The following RANBP17 variants were observed in gnomAD, a reference collection of about 807,000 sequenced individuals.
The protein encoded by RANBP17 is ran-binding protein 17.
RANBP17 carries 158 observed loss-of-function variants against 141.2 expected under a neutral mutation model. The observed-to-expected ratio is 1.12, with a 90% CI of 0.98 to 1.28. The LOEUF is 1.28. RANBP17 is among the 50% of genes most tolerant of loss of function. The probability of loss-of-function intolerance (pLI) is 0.00; values close to 1 mark genes in which losing one functional copy is unlikely to be tolerated. For missense variants in RANBP17, 1,438 were observed against 1,290.7 expected, an observed-to-expected ratio of 1.11 and a Z score of -1.75; for synonymous variants, 430 against 450.0, an observed-to-expected ratio of 0.96 and a Z score of 0.56.
chr5:170,956,906 C>G (rs556704496), intron 13 of RANBP17, among the ~76,000 whole-genome samples: 13 of 151,708 alleles, frequency 8.6e-5, no homozygotes, highest in Non-Finnish European at 1.3e-4. Context: ...CCCGTCTCTA[C>G]TAAAAATACA....
At chr5:171,082,393 T>A (rs1441222801) in intron 14 of RANBP17, among the ~76,000 whole-genome samples, 3 of 152,178 alleles carry the variant, frequency 2.0e-5, no homozygotes, top group African/African-American at 4.8e-5. Flanking sequence ...TTCGAATAGG[T>A]AATTAACTGC....
At chr5:171,125,314 AAG>A (rs397839233) in intron 14 of RANBP17, among the ~76,000 whole-genome samples, 1 of 150,468 alleles carries the variant, frequency 6.6e-6, no homozygotes, top group Non-Finnish European at 1.5e-5. Flanking sequence ...AAAAAAAAAA[AAG>A]AAAGTGAAGG....
At chr5:171,000,584 C>T (rs1341261543) in intron 14 of RANBP17, among the ~76,000 whole-genome samples, 4 of 152,118 alleles carry the variant, frequency 2.6e-5, no homozygotes, top group Admixed American at 6.5e-5. Context: ...CCGTGTCATG[C>T]GCGTCCGTGT....
chr5:171,083,133 T>A (rs1336122095), intron 14 of RANBP17, among the ~76,000 whole-genome samples: 1 of 152,230 alleles, frequency 6.6e-6, no homozygotes, highest in African/African-American at 2.4e-5. Context: ...CCCTAGTTAC[T>A]TTGCATTTAC....
intron 25 of RANBP17, among the ~76,000 whole-genome samples, chr5:171,290,271 A>G (rs533183158): frequency 6.6e-6 from 1 of 151,920 alleles, no homozygotes; most frequent in South Asian, 2.1e-4. Context: ...CAGGAGGCTG[A>G]TGCAGGAGAC....
At chr5:171,154,952 C>T (rs185898460) in intron 14 of RANBP17, among the ~76,000 whole-genome samples, 1 of 151,404 alleles carries the variant, frequency 6.6e-6, no homozygotes, top group African/African-American at 2.4e-5. Context: ...TGGCGGGGCA[C>T]CTGTAATCCC....
intron 27 of RANBP17, among the ~76,000 whole-genome samples, chr5:171,297,846 CTTTTTTTTTT>C (rs71310040): frequency 1.5e-5 from 1 of 67,508 alleles, no homozygotes; most frequent in African/African-American, 5.7e-5. Flanking sequence ...CCAATAAATT[CTTTTTTTTTT>C]TTTTTTTTTT....
intron 24 of RANBP17, among the ~76,000 whole-genome samples, chr5:171,253,443 C>A (rs1244812701): frequency 6.6e-6 from 1 of 152,096 alleles, no homozygotes; most frequent in Non-Finnish European, 1.5e-5. Flanking sequence ...AAGAGTAAAC[C>A]AGAAACACTT....
At chr5:170,916,868 C>T (rs1772021475) in intron 9 of RANBP17, among the ~76,000 whole-genome samples, 2 of 151,794 alleles carry the variant, frequency 1.3e-5, no homozygotes, top group South Asian at 4.2e-4. Flanking sequence ...GGCTTGCACC[C>T]ACCACCTCTG....
chr5:170,946,579 T>C (rs1409047195), intron 12 of RANBP17, among the ~76,000 whole-genome samples: 2 of 152,190 alleles, frequency 1.3e-5, no homozygotes, highest in Non-Finnish European at 2.9e-5. Flanking sequence ...GAACCATTGC[T>C]CCTGTGGGCC....
intron 14 of RANBP17, among the ~76,000 whole-genome samples, chr5:171,098,042 G>A (rs994749428): frequency 7.2e-5 from 11 of 152,036 alleles, no homozygotes; most frequent in Non-Finnish European, 1.3e-4. Context: ...ATCATTGATG[G>A]GCATTTGGGT....
Position 171,295,974 on chromosome 5 carries a change from G to A in RANBP17, c.3130G>A (p.Glu1044Lys). ...TGCCCAGTGCTTCAGAAACCTAATG[G>A]AAGGAGTGGAGCAGAACCTGTCCGT... ...VLAQCFRNLMEGVEQNLSVKN... is the reference protein window; with the variant it reads ...VLAQCFRNLMKGVEQNLSVKN... Residue 1044 changes from glutamate (E) to lysine (K), a missense_variant, in exon 27 of 28, where the codon GAA becomes AAA. Glu to Lys is a moderately conservative substitution (Grantham distance 56). Transcript: ENST00000523189. 1.9e-6 allele frequency: 3 copies of A among 1,613,912 alleles called. No individual in the cohort carries two copies. Among genetic ancestry groups the A allele is most frequent in the Non-Finnish European group, 2.5e-6 (3 of 1,179,844 alleles).
chr5:171,288,322 A>G (rs963527814), intron 25 of RANBP17, among the ~76,000 whole-genome samples: 5 of 152,218 alleles, frequency 3.3e-5, no homozygotes, highest in African/African-American at 1.2e-4. Flanking sequence ...GTCTGAATGG[A>G]GGAGGTACAC....
chr5:171,087,281 G>A (rs1240342248), intron 14 of RANBP17, among the ~76,000 whole-genome samples: 9 of 152,006 alleles, frequency 5.9e-5, no homozygotes, highest in East Asian at 1.9e-4. Flanking sequence ...GCTTTGAGTG[G>A]GATTCTTAAT....
At chr5:171,038,272 T>G (rs1456543440) in intron 14 of RANBP17, among the ~76,000 whole-genome samples, 1 of 151,890 alleles carries the variant, frequency 6.6e-6, no homozygotes, top group Non-Finnish European at 1.5e-5. Flanking sequence ...TATATAGAAA[T>G]GCTAGTAACT....
At chr5:171,260,258 G>A (rs1156348775) in intron 24 of RANBP17, among the ~76,000 whole-genome samples, 22 of 141,970 alleles carry the variant, frequency 1.5e-4, no homozygotes, top group African/African-American at 5.5e-4. Context: ...CCGAGATCAC[G>A]CCACTGCGCT....
chr5:170,875,815 GA>G (rs968835231), intron 1 of RANBP17, among the ~76,000 whole-genome samples: 1 of 152,174 alleles, frequency 6.6e-6, no homozygotes, highest in African/African-American at 2.4e-5. Flanking sequence ...ATCATTTGGA[GA>G]AGAAGCACTC....
intron 14 of RANBP17, among the ~76,000 whole-genome samples, chr5:171,008,885 T>C (rs1779843437): frequency 6.6e-6 from 1 of 152,346 alleles, no homozygotes. Flanking sequence ...ACCACCTTTC[T>C]TTACTGTTAC....
intron 24 of RANBP17, among the ~76,000 whole-genome samples, chr5:171,250,601 C>A (rs1469747911): frequency 6.6e-6 from 1 of 151,952 alleles, no homozygotes; most frequent in Non-Finnish European, 1.5e-5. Context: ...AAGAAACTCA[C>A]CTTGGCAGTA....
Sources: allele counts gnomAD v4.1 joint callset (sites outside exome capture counted in the v4.1 genomes callset), GRCh38; gene constraint gnomAD v4.1.1; transcripts MANE v1.5; gene names NCBI Gene and HGNC (gene_info 2026-07-23, HGNC 2026-07-21).